Variants in PABPC1 observed in about 807,000 individuals in gnomAD.
The protein encoded by PABPC1 is polyadenylate-binding protein 1.
PABPC1 carries 4 observed loss-of-function variants against 74.0 expected under a neutral mutation model. The observed-to-expected ratio is 0.05, with a 90% confidence interval of 0.03 to 0.12. The LOEUF (loss-of-function observed/expected upper bound fraction) is 0.12, where lower values mean the gene tolerates loss of function less well. PABPC1 is among the 10% of genes least tolerant of loss of function. The probability of loss-of-function intolerance (pLI) is 1.00; values close to 1 mark genes in which losing one functional copy is unlikely to be tolerated. For missense variants in PABPC1, 271 were observed against 821.1 expected (o/e 0.33, Z 8.19); for synonymous variants, 227 against 264.1 (o/e 0.86, Z 1.36).
chr8:100,704,054 CAAAAA>C (rs34116624), intron 14 of PABPC1: 6,809 of 177,378 alleles, frequency 0.038, 356 homozygotes, highest in African/African-American at 0.2. Flanking sequence ...AACTCCATCT[CAAAAA>C]AAAAAAAAAA....
intron 4 of PABPC1, among the ~76,000 whole-genome samples, chr8:100,714,479 C>T (rs1369217328): frequency 1.3e-5 from 2 of 152,118 alleles, no homozygotes; most frequent in Non-Finnish European, 2.9e-5. Flanking sequence ...ACCTGTAATC[C>T]CAGCACTTTG....
At position 100,704,323 on chromosome 8, in the gene PABPC1, C is replaced by T. The variant is rs779435514; in HGVS notation, c.1886G>A (p.Ser629Asn). The T allele has an allele frequency of 1.2e-6, 2 of 1,614,028 alleles. No homozygotes were observed. Among genetic ancestry groups the T allele is most frequent in the South Asian group, 1.1e-5 (1 of 91,082 alleles). The change falls in exon 14 of 15, where the codon AGT becomes AAT. Residue 629 changes from serine (S) to asparagine (N), a missense_variant. Physicochemically the swap from Ser to Asn is conservative, Grantham distance 46. This residue lies in a region of PABPC1 where 23 missense variants were observed against 48.1 expected (regional missense o/e 0.48). Coordinates refer to ENST00000318607, the MANE Select transcript of PABPC1 (RefSeq NM_002568.4). ...TTAAACAGTTGGAACACCGGTGGCA[C>T]TGTTAACTGCTTTCTGGGCAGCCTC... ...AKEAAQKAVN[S>N]ATGVPTV
intron 12 of PABPC1, 120 bp from the exon 13 acceptor site, chr8:100,705,176 T>C (rs555937405): frequency 4.0e-6 from 3 of 749,790 alleles, no homozygotes; most frequent in Non-Finnish European, 6.5e-6. Context: ...TAATAACCCA[T>C]AATCCACAAT....
rs2129771366 is a variant in PABPC1, at chr8:100,721,327, GC to G, written c.193+63del. ...CCGGGCCCGCCGGCCTACCCCGCCC[GC>G]CGCCGCCGCCCGAGCCTCATGGCCG... On this transcript the variant is annotated intron_variant, in intron 1 of 14. Transcript: ENST00000318607. This position sits in a 1 kb window ranked among gnomAD's most constrained non-coding sequence, Gnocchi z 7.4. 1 of 554,952 alleles carries G rather than the reference GC, an allele frequency of 1.8e-6. No homozygotes were observed. Among genetic ancestry groups the G allele is most frequent in the African/African-American group, 2.1e-5 (1 of 47,642 alleles). 34.4% of individuals were successfully genotyped at this position (554,952 alleles called of 1,614,324 possible). A position where few individuals can be genotyped will look rare whatever the true frequency, so the allele number is the denominator to read the frequency against.
intron 11 of PABPC1, among the ~76,000 whole-genome samples, 160 bp from the exon 12 acceptor site, chr8:100,705,833 T>A (rs570339360): frequency 6.6e-6 from 1 of 152,350 alleles, no homozygotes; most frequent in South Asian, 2.1e-4. Flanking sequence ...AGTTATTATA[T>A]ACTATGTATC....
intron 2 of PABPC1, 40 bp from the exon 3 acceptor site, chr8:100,717,928 T>A (rs747640070): frequency 1.4e-6 from 2 of 1,464,870 alleles, no homozygotes; most frequent in South Asian, 2.3e-5. Flanking sequence ...TATTTGCTAT[T>A]GATTTAACAT....
chr8:100,716,608 C>T (rs1273683464), intron 3 of PABPC1, among the ~76,000 whole-genome samples: 2 of 152,184 alleles, frequency 1.3e-5, no homozygotes, highest in African/African-American at 2.4e-5. Flanking sequence ...TTGGTCTTCG[C>T]TATGCTATTA....
chr8:100,720,468 G>A (rs1587172216), intron 1 of PABPC1, among the ~76,000 whole-genome samples: 1 of 152,262 alleles, frequency 6.6e-6, no homozygotes, highest in South Asian at 2.1e-4. Flanking sequence ...GATAAGACTG[G>A]TCCAGTTGGA....
At chr8:100,705,761 TAG>T in intron 11 of PABPC1, 88 bp from the exon 12 acceptor site, 1 of 836,378 alleles carries the variant, frequency 1.2e-6, no homozygotes. Flanking sequence ...GCTGAAGTGG[TAG>T]ACTTCCATCG....
At chr8:100,713,026 T>A (rs1326348436) in intron 5 of PABPC1, 61 bp downstream of exon 5, 1 of 1,237,096 alleles carries the variant, frequency 8.1e-7, no homozygotes, top group East Asian at 2.3e-5. Context: ...GCACATAGAC[T>A]TCAACACAAG....
At chr8:100,717,136 G>A (rs776059418) in intron 3 of PABPC1, among the ~76,000 whole-genome samples, 7 of 151,992 alleles carry the variant, frequency 4.6e-5, no homozygotes, top group African/African-American at 1.4e-4. Flanking sequence ...TCAGCCTCCC[G>A]AGTAGCTAGG....
intron 4 of PABPC1, among the ~76,000 whole-genome samples, chr8:100,714,403 G>A (rs1810610068): frequency 6.6e-6 from 1 of 152,088 alleles, no homozygotes; most frequent in African/African-American, 2.4e-5. Context: ...TCTAGTGGAG[G>A]GCTTGATGTG....
chr8:100,703,597 CA>C (rs1810301316), intron 14 of PABPC1, among the ~76,000 whole-genome samples: 1 of 152,076 alleles, frequency 6.6e-6, no homozygotes, highest in South Asian at 2.1e-4. Context: ...TGGCCCTTTA[CA>C]AAAAACATTT....
At chr8:100,719,914 T>C (rs1386319455) in intron 1 of PABPC1, among the ~76,000 whole-genome samples, 1 of 152,260 alleles carries the variant, frequency 6.6e-6, no homozygotes, top group Non-Finnish European at 1.5e-5. Flanking sequence ...CATTTGGAGT[T>C]ACTGCTTACA....
chr8:100,715,828 ACTTCT>A (rs1810655126), intron 3 of PABPC1, among the ~76,000 whole-genome samples: 2 of 152,082 alleles, frequency 1.3e-5, no homozygotes, highest in Non-Finnish European at 2.9e-5. Flanking sequence ...TTTAATACAC[ACTTCT>A]CTTCTCTAGC....
intron 9 of PABPC1, among the ~76,000 whole-genome samples, chr8:100,707,629 T>C (rs561554294): frequency 5.3e-5 from 8 of 152,300 alleles, no homozygotes; most frequent in South Asian, 4.1e-4. Flanking sequence ...GGATGGAACA[T>C]GAAGGCAGAC....
At chr8:100,720,596 T>G (rs1810795177) in intron 1 of PABPC1, among the ~76,000 whole-genome samples, 1 of 152,204 alleles carries the variant, frequency 6.6e-6, no homozygotes, top group African/African-American at 2.4e-5. Flanking sequence ...ACCAGTACTG[T>G]GAATCTAAGA....
chr8:100,715,756 T>C (rs895353960), intron 3 of PABPC1, among the ~76,000 whole-genome samples, 155 bp from the exon 4 acceptor site: 3 of 152,114 alleles, frequency 2.0e-5, no homozygotes, highest in Non-Finnish European at 4.4e-5. Flanking sequence ...TAATTTAAGA[T>C]ATGACACCAT....
chr8:100,717,981 A>T (rs1810718122), intron 2 of PABPC1, 93 bp from the exon 3 acceptor site: 1 of 1,329,390 alleles, frequency 7.5e-7, no homozygotes, highest in Non-Finnish European at 1.1e-6. Flanking sequence ...TCTAACCTGG[A>T]TATTTGTGAA....
Sources: allele counts gnomAD v4.1 joint callset (sites outside exome capture counted in the v4.1 genomes callset), GRCh38; gene constraint gnomAD v4.1.1; regional missense constraint gnomAD v4.1.1; non-coding constraint Gnocchi (gnomAD v3.1); transcripts MANE v1.5; gene names NCBI Gene and HGNC (gene_info 2026-07-23, HGNC 2026-07-21).